FAM186A: variants seen among roughly 807,000 people sequenced by gnomAD.
FAM186A encodes family with sequence similarity 186 member A.
In FAM186A, 163 loss-of-function variants were observed where a neutral mutation model predicts 216.8. The observed-to-expected ratio is 0.75, with a 90% CI of 0.66 to 0.86. The LOEUF (loss-of-function observed/expected upper bound fraction) is 0.86, where lower values mean the gene tolerates loss of function less well. Among genes scored for constraint, FAM186A ranks in the 40% least tolerant of loss-of-function variants. The pLI is 0.00. For missense variants in FAM186A, 2,184 were observed against 2,746.2 expected (o/e 0.80, Z 4.58); for synonymous variants, 805 against 1,025.3 (o/e 0.79, Z 4.10).
At chr12:50,390,641 C>T (rs190830765) in intron 1 of FAM186A, among the ~76,000 whole-genome samples, 95 of 152,242 alleles carry the variant, frequency 6.2e-4, no homozygotes, top group African/African-American at 2.2e-3. Flanking sequence ...TTGGGTGCCA[C>T]TACTGGGTCC....
In FAM186A at chr12:50,350,871, C is replaced by T; in HGVS notation, c.5961G>A (p.Lys1987=). ...TGTCAGAGACCTCCGACATTTGGAACTTCTTAGTGGTGAAAGGAACTTGAG... is the reference window on the plus strand; with the variant it reads ...TGTCAGAGACCTCCGACATTTGGAATTTCTTAGTGGTGAAAGGAACTTGAG... ...KVAQVPFTTK[K]FQMSEVSDTS... is the part of the protein sequence containing the mutation. The change falls in exon 4 of 8, where the codon AAG becomes AAA. Residue 1987 remains lysine (K), a synonymous_variant. Coordinates refer to ENST00000327337, the MANE Select transcript of FAM186A (RefSeq NM_001145475.3). 1 of 1,551,676 alleles carries T rather than the reference C, an allele frequency of 6.4e-7. No individual in the cohort carries two copies. Among genetic ancestry groups the T allele is most frequent in the Non-Finnish European group, 8.7e-7 (1 of 1,146,986 alleles).
At chr12:50,338,773 T>C (rs2138762712) in intron 4 of FAM186A, among the ~76,000 whole-genome samples, 1 of 152,282 alleles carries the variant, frequency 6.6e-6, no homozygotes, top group Admixed American at 6.5e-5. Flanking sequence ...TTTGGGCAAA[T>C]AGGATGACCT....
intron 2 of FAM186A, among the ~76,000 whole-genome samples, chr12:50,362,408 G>A (rs556754467): frequency 1.3e-5 from 2 of 152,218 alleles, no homozygotes; most frequent in Non-Finnish European, 2.9e-5. Flanking sequence ...GAGAGAAAAG[G>A]TTAATTATAT....
At chr12:50,369,221 T>C (rs11830574) in intron 1 of FAM186A, among the ~76,000 whole-genome samples, 2 of 152,192 alleles carry the variant, frequency 1.3e-5, no homozygotes, top group African/African-American at 4.8e-5. Context: ...CTGGGCACGG[T>C]GGCTCACTCC....
intron 4 of FAM186A, 114 bp from the exon 5 acceptor site, chr12:50,334,217 C>T (rs1232468093): frequency 2.8e-5 from 26 of 921,780 alleles, no homozygotes; most frequent in Non-Finnish European, 2.2e-5. Context: ...GTTGCCCAGG[C>T]TGGAGGTGCA....
rs572311136 is a variant in FAM186A at position 50,331,323 on chromosome 12, T to C, written c.6848+347A>G. Among the ~76,000 whole-genome samples the C allele has an allele frequency of 3.3e-5, 5 of 152,314 alleles. No homozygotes were observed. In the East Asian group the frequency reaches 9.6e-4, roughly 29 times the overall value. ...GGCACGATCTCGGCTCACCGCAACC[T>C]CTGCCACCCAGGTTCAAGCGATTCT... On this transcript the variant is annotated intron_variant, in intron 6 of 7. Coordinates refer to ENST00000327337, the MANE Select transcript of FAM186A (RefSeq NM_001145475.3).
chr12:50,340,443 C>T (rs1197987214), intron 4 of FAM186A, among the ~76,000 whole-genome samples: 1 of 152,072 alleles, frequency 6.6e-6, no homozygotes, highest in African/African-American at 2.4e-5. Flanking sequence ...AGCTCAGTGT[C>T]TCACACCTGT....
chr12:50,353,552 C>A lies in FAM186A; in HGVS notation c.3280G>T (p.Ala1094Ser). The A allele has an allele frequency of 6.5e-7, 1 of 1,532,292 alleles. No homozygotes were observed. Among genetic ancestry groups the A allele is most frequent in the South Asian group, 1.3e-5 (1 of 79,878 alleles). 94.9% of individuals were successfully genotyped at this position (1,532,292 alleles called of 1,614,324 possible). A position where few individuals can be genotyped will look rare whatever the true frequency, so the allele number is the denominator to read the frequency against. Residue 1094 changes from alanine (A) to serine (S), a missense_variant, in exon 4 of 8, where the codon GCT becomes TCT. Coordinates refer to ENST00000327337, the MANE Select transcript of FAM186A (RefSeq NM_001145475.3). ...GITLTPQQAQ[A>S]QGITLTLQQA... ...TGAAGGGTGAGCGTGATCCCCTGAG[C>A]CTGGGCCTGCTGAGGAGTGAGTGTG...
At chr12:50,346,619 G>A (rs947502231) in intron 4 of FAM186A, among the ~76,000 whole-genome samples, 5 of 152,070 alleles carry the variant, frequency 3.3e-5, no homozygotes, top group Non-Finnish European at 2.9e-5. Flanking sequence ...AGGCCGAAGC[G>A]GGTGGATCAC....
At chr12:50,391,200 G>A (rs1943353723) in intron 1 of FAM186A, among the ~76,000 whole-genome samples, 1 of 151,392 alleles carries the variant, frequency 6.6e-6, no homozygotes, top group African/African-American at 2.4e-5. Flanking sequence ...TGTTGGCCAG[G>A]CTGGTCTTAA....
At chr12:50,394,732 C>CTTTTTTTTCTTTTTT (rs1943396397) in intron 1 of FAM186A, among the ~76,000 whole-genome samples, 1 of 29,384 alleles carries the variant, frequency 3.4e-5, no homozygotes, top group Non-Finnish European at 5.6e-5. Flanking sequence ...GGCTAACACT[C>CTTTTTTTTCTTTTTT]TTTTTTTTTT....
rs1325518498 is a variant in FAM186A at position 50,355,037 on chromosome 12, C to T, written c.1795G>A (p.Glu599Lys). ...LSMIQFDDTA[E>K]PQKGKIKGKK... ...CCTTTTATTTTTCCTTTCTGTGGCT[C>T]AGCAGTATCATCAAATTGGATCATA... The change falls in exon 4 of 8, where the codon GAG becomes AAG. Residue 599 changes from glutamate (E) to lysine (K), a missense_variant. Glu to Lys is a moderately conservative substitution (Grantham distance 56, BLOSUM62 1). Transcript: ENST00000327337. 1 of 1,551,682 alleles carries T rather than the reference C, an allele frequency of 6.4e-7. No homozygotes were observed. The highest frequency in any genetic ancestry group is 8.7e-7 in the Non-Finnish European group (1 of 1,146,996).
At position 50,354,037 on chromosome 12, in the gene FAM186A, A is replaced by AT. The variant is rs1565886376; in HGVS notation, c.2794dup (p.Met932AsnfsTer65). ...TTCCAAGAGCAACCCTTGTGTTTTC[A>AT]TTTTTTGGGTCCCTTCTTCCAGCCG... On this transcript the variant is annotated frameshift_variant, in exon 4 of 8. Coordinates refer to ENST00000327337, the MANE Select transcript of FAM186A (RefSeq NM_001145475.3). LOFTEE classifies it high-confidence loss of function. The AT allele has an allele frequency of 3.9e-6, 6 of 1,551,258 alleles. No homozygotes were observed. Among genetic ancestry groups the AT allele is most frequent in the Non-Finnish European group, 5.2e-6 (6 of 1,146,918 alleles).
chr12:50,371,676 G>T (rs1943143473), intron 1 of FAM186A, among the ~76,000 whole-genome samples: 1 of 152,130 alleles, frequency 6.6e-6, no homozygotes, highest in Non-Finnish European at 1.5e-5. Flanking sequence ...AATGGATATA[G>T]AACTTCAGTT....
At chr12:50,370,261 G>C (rs1210853058) in intron 1 of FAM186A, among the ~76,000 whole-genome samples, 1 of 151,376 alleles carries the variant, frequency 6.6e-6, no homozygotes, top group Non-Finnish European at 1.5e-5. Flanking sequence ...CCGAGATTGT[G>C]CCACTGCATT....
At chr12:50,371,355 G>A (rs1391028013) in intron 1 of FAM186A, among the ~76,000 whole-genome samples, 3 of 152,036 alleles carry the variant, frequency 2.0e-5, no homozygotes, top group Admixed American at 1.3e-4. Context: ...CTGACCTCAT[G>A]ATCCATCTGC....
chr12:50,330,620 T>C lies in FAM186A; in HGVS notation c.6987A>G (p.Leu2329=). ...ATTTTCGGAAGGTAGACTGCACTTC[T>C]AACTGAAGCAGCCTGGGAATATCTG... ...GYPDIPRLLQ[L]EVQSTFRKSL... The change falls in exon 7 of 8, where the codon TTA becomes TTG. Residue 2329 remains leucine, a synonymous_variant. Coordinates refer to ENST00000327337, the MANE Select transcript of FAM186A (RefSeq NM_001145475.3). The C allele has an allele frequency of 6.4e-7, 1 of 1,550,928 alleles. No homozygotes were observed. The highest frequency in any genetic ancestry group is 8.7e-7 in the Non-Finnish European group (1 of 1,146,640).
intron 1 of FAM186A, among the ~76,000 whole-genome samples, chr12:50,382,752 A>G (rs1202940222): frequency 1.3e-5 from 2 of 152,142 alleles, no homozygotes; most frequent in Non-Finnish European, 2.9e-5. Flanking sequence ...TTAGATTTTA[A>G]TAAAATTTGT....
At chr12:50,374,803 C>A (rs1194747672) in intron 1 of FAM186A, among the ~76,000 whole-genome samples, 1 of 152,126 alleles carries the variant, frequency 6.6e-6, no homozygotes, top group Non-Finnish European at 1.5e-5. Flanking sequence ...AAAAGAAATA[C>A]AGGAAAATGG....
Sources: gnomAD v4.1 joint callset for allele counts (sites outside exome capture counted in the v4.1 genomes callset) on GRCh38, gnomAD v4.1.1 for gene constraint, MANE v1.5 for transcripts, NCBI Gene and HGNC (gene_info 2026-07-23, HGNC 2026-07-21) for gene names.